Variants in PPP1R12A observed in about 807,000 individuals in gnomAD.
PPP1R12A encodes the protein myosin binding subunit.
PPP1R12A carries 19 observed loss-of-function variants against 139.6 expected under a neutral mutation model. That is an observed-to-expected ratio of 0.14 (90% CI 0.09 to 0.20). The LOEUF (loss-of-function observed/expected upper bound fraction) is 0.20, where lower values mean the gene tolerates loss of function less well. Among genes scored for constraint, PPP1R12A ranks in the 10% least tolerant of loss-of-function variants. PPP1R12A has a pLI of 1.00. For synonymous variants in PPP1R12A, 427 were observed against 420.6 expected, an observed-to-expected ratio of 1.02 and a Z score of -0.19; for missense variants, 925 against 1,211.5, an observed-to-expected ratio of 0.76 and a Z score of 3.51.
At chr12:79,883,743 G>C (rs995135989) in intron 1 of PPP1R12A, among the ~76,000 whole-genome samples, 3 of 150,838 alleles carry the variant, frequency 2.0e-5, no homozygotes, top group African/African-American at 7.3e-5. Context: ...AGAGTGTAGA[G>C]AAGTGATTTT....
chr12:79,792,032 TA>T (rs999504441), intron 19 of PPP1R12A, among the ~76,000 whole-genome samples: 4 of 152,136 alleles, frequency 2.6e-5, no homozygotes, highest in Non-Finnish European at 5.9e-5. Context: ...TATTCAGAAA[TA>T]TCTTTCTGAC....
intron 18 of PPP1R12A, 45 bp from the exon 19 acceptor site, chr12:79,793,973 A>G: frequency 7.3e-7 from 1 of 1,374,324 alleles, no homozygotes; most frequent in South Asian, 1.4e-5. Flanking sequence ...TTTTAGTAAT[A>G]ATTTCAAAAT....
At chr12:79,848,662 T>C (rs1450473541) in intron 2 of PPP1R12A, 1 of 152,154 alleles carries the variant, frequency 6.6e-6, no homozygotes, top group Non-Finnish European at 1.5e-5. Flanking sequence ...TGTATGTATG[T>C]ACTTATGCAT....
intron 1 of PPP1R12A, among the ~76,000 whole-genome samples, chr12:79,892,777 T>G (rs895985491): frequency 6.6e-6 from 1 of 152,140 alleles, no homozygotes; most frequent in Admixed American, 6.6e-5. Flanking sequence ...TCCAAACTGT[T>G]TCCATGAAAC....
At chr12:79,823,419 G>A (rs1209648601) in intron 5 of PPP1R12A, among the ~76,000 whole-genome samples, 18 of 152,028 alleles carry the variant, frequency 1.2e-4, no homozygotes, top group East Asian at 7.7e-4. Flanking sequence ...TAATTTTTCC[G>A]TTTAGAAACA....
intron 1 of PPP1R12A, among the ~76,000 whole-genome samples, chr12:79,920,555 C>T (rs1182749706): frequency 6.6e-6 from 1 of 152,184 alleles, no homozygotes; most frequent in African/African-American, 2.4e-5. Flanking sequence ...AACCTGATCC[C>T]TAATGTGGCA....
intron 14 of PPP1R12A, among the ~76,000 whole-genome samples, chr12:79,803,402 TA>T (rs1004973656): frequency 2.6e-5 from 4 of 152,166 alleles, no homozygotes; most frequent in African/African-American, 9.6e-5. Context: ...ATCATTGCTG[TA>T]TCACACTGAC....
At chr12:79,903,154 T>C (rs886421013) in intron 1 of PPP1R12A, among the ~76,000 whole-genome samples, 4 of 152,104 alleles carry the variant, frequency 2.6e-5, no homozygotes, top group Non-Finnish European at 4.4e-5. Flanking sequence ...CACAAAATTA[T>C]TAAAAACATC....
Position 79,809,838 on chromosome 12 carries a change from GCTGAACGTGTAACAC to G in PPP1R12A, c.1397_1411del (p.Gly466_Ser470del). On this transcript the variant is annotated inframe_deletion, in exon 10 of 25. Coordinates refer to ENST00000450142, the MANE Select transcript of PPP1R12A (RefSeq NM_002480.3). Reference sequence around the variant, plus strand: ...AGAGGAGGAAAGTCTGGGACTTGAAGCTGAACGTGTAACACCTGCAGTATCTTTTTCTTTCTGACC... The same window carrying G: ...AGAGGAGGAAAGTCTGGGACTTGAAGCTGCAGTATCTTTTTCTTTCTGACC... 6.2e-7 allele frequency: 1 copy of G among 1,613,464 alleles called. No homozygotes were observed. Among genetic ancestry groups the G allele is most frequent in the Non-Finnish European group, 8.5e-7 (1 of 1,179,638 alleles).
intron 2 of PPP1R12A, among the ~76,000 whole-genome samples, chr12:79,871,853 C>A (rs557746466): frequency 2.0e-5 from 3 of 151,980 alleles, no homozygotes. Context: ...TGTTTTGCAA[C>A]GGGAAAAAGA....
intron 24 of PPP1R12A, 33 bp from the exon 25 acceptor site, chr12:79,776,048 C>T (rs376089192): frequency 2.4e-6 from 3 of 1,236,084 alleles, no homozygotes; most frequent in Non-Finnish European, 3.4e-6. Context: ...TCAAGTTTTA[C>T]CTTCAATATT....
At chr12:79,796,697 T>C in intron 17 of PPP1R12A, 85 bp downstream of exon 17, 9 of 1,135,280 alleles carry the variant, frequency 7.9e-6, no homozygotes, top group Non-Finnish European at 1.1e-5. Context: ...TGCTGTTCCT[T>C]TACTGTTGAA....
chr12:79,912,510 A>G (rs557381922), intron 1 of PPP1R12A, among the ~76,000 whole-genome samples: 87 of 152,110 alleles, frequency 5.7e-4, no homozygotes, highest in South Asian at 1.5e-3. Flanking sequence ...TGGGCAACAT[A>G]GCGAGACCCC....
intron 1 of PPP1R12A, among the ~76,000 whole-genome samples, chr12:79,914,359 G>A (rs548400694): frequency 1.1e-3 from 162 of 151,640 alleles, no homozygotes; most frequent in Admixed American, 2.4e-3. Context: ...AATATAATCA[G>A]AATATTAACA....
At chr12:79,828,171 C>A (rs192841102) in intron 5 of PPP1R12A, 149 bp downstream of exon 5, 1 of 633,768 alleles carries the variant, frequency 1.6e-6, no homozygotes, top group Non-Finnish European at 2.3e-6. Flanking sequence ...ATTAGTAAGT[C>A]AGTTGGCTGA....
At chr12:79,934,481 C>T (rs1302620345) in intron 1 of PPP1R12A, among the ~76,000 whole-genome samples, 1 of 152,194 alleles carries the variant, frequency 6.6e-6, no homozygotes, top group African/African-American at 2.4e-5. Flanking sequence ...GTTCCCAACT[C>T]CACCAGCAAC....
chr12:79,905,332 T>G (rs2137494902), intron 1 of PPP1R12A, among the ~76,000 whole-genome samples: 1 of 58,612 alleles, frequency 1.7e-5, no homozygotes, highest in Non-Finnish European at 6.7e-5. Flanking sequence ...GAATGTTTTG[T>G]TTTGCCGCCC....
Position 79,934,967 on chromosome 12 carries a change from G to C in PPP1R12A, c.-36C>G, listed in dbSNP as rs528443059. On this transcript the variant is annotated 5_prime_UTR_variant, in exon 1 of 25. Coordinates refer to ENST00000450142, the MANE Select transcript of PPP1R12A (RefSeq NM_002480.3). ...GCCGCCGGGTCTTCTTATCGCGAGG[G>C]GGGGAAGGGGGAGGCGGAGAGGGAA... is the stretch of plus-strand genomic sequence containing the variant. 8.2e-5 allele frequency: 127 copies of C among 1,547,046 alleles called. No homozygotes were observed. Among genetic ancestry groups the C allele is most frequent in the South Asian group, 7.3e-4 (61 of 83,542 alleles).
At chr12:79,883,491 GAAGAGTTAA>G (rs1025735602) in intron 1 of PPP1R12A, among the ~76,000 whole-genome samples, 56 of 152,058 alleles carry the variant, frequency 3.7e-4, no homozygotes, top group African/African-American at 1.4e-3. Flanking sequence ...TGAAAGATAT[GAAGAGTTAA>G]GATGCAGGAA....
Sources: gnomAD v4.1 joint callset for allele counts (sites outside exome capture counted in the v4.1 genomes callset) on GRCh38, gnomAD v4.1.1 for gene constraint, MANE v1.5 for transcripts, NCBI Gene and HGNC (gene_info 2026-07-23, HGNC 2026-07-21) for gene names.